Variants in FSTL5 observed in about 807,000 individuals in gnomAD.
FSTL5 encodes follistatin like 5.
Under a neutral mutation model 89.1 loss-of-function variants are expected in FSTL5, and 62 were observed. The ratio of observed to expected loss-of-function variants is 0.70; its 90% CI spans 0.57 to 0.86. The LOEUF (loss-of-function observed/expected upper bound fraction) is 0.86, where lower values mean the gene tolerates loss of function less well. Among genes scored for constraint, FSTL5 ranks in the 40% least tolerant of loss-of-function variants. FSTL5 has a pLI of 0.00. For missense variants in FSTL5, 1,057 were observed against 1,001.6 expected, an observed-to-expected ratio of 1.06 and a Z score of -0.75; for synonymous variants, 383 against 346.2, an observed-to-expected ratio of 1.11 and a Z score of -1.18.
At chr4:161,594,752 T>C (rs888492777) in intron 7 of FSTL5, among the ~76,000 whole-genome samples, 2 of 151,954 alleles carry the variant, frequency 1.3e-5, no homozygotes, top group Non-Finnish European at 2.9e-5. Flanking sequence ...TCTCATCAGT[T>C]TGAATAAAGC....
At chr4:161,646,510 T>A in intron 7 of FSTL5, among the ~76,000 whole-genome samples, 1 of 152,016 alleles carries the variant, frequency 6.6e-6, no homozygotes, top group East Asian at 1.9e-4. Context: ...AAGAATGTAA[T>A]GACATATAAA....
At chr4:161,934,396 G>C (rs905846421) in intron 3 of FSTL5, among the ~76,000 whole-genome samples, 1 of 152,012 alleles carries the variant, frequency 6.6e-6, no homozygotes, top group African/African-American at 2.4e-5. Context: ...AGAAAAGAAA[G>C]TATTTATAGA....
At chr4:161,792,222 G>A (rs773416292) in intron 4 of FSTL5, among the ~76,000 whole-genome samples, 2 of 152,146 alleles carry the variant, frequency 1.3e-5, no homozygotes, top group Non-Finnish European at 2.9e-5. Flanking sequence ...AGGCAGTGCT[G>A]ACACTTCAGC....
intron 6 of FSTL5, among the ~76,000 whole-genome samples, chr4:161,683,994 G>C (rs1406161514): frequency 1.3e-5 from 2 of 152,086 alleles, no homozygotes; most frequent in Non-Finnish European, 2.9e-5. Context: ...GAAAACATAC[G>C]ATGTTTGACT....
chr4:162,033,718 A>G (rs1181095223), intron 2 of FSTL5, 60 bp from the exon 3 acceptor site: 5 of 942,654 alleles, frequency 5.3e-6, no homozygotes, highest in Non-Finnish European at 8.1e-6. Flanking sequence ...CAACTGTTTC[A>G]TATAAAGTTT....
intron 4 of FSTL5, among the ~76,000 whole-genome samples, chr4:161,780,892 C>A (rs7666089): frequency 2.0e-5 from 3 of 151,938 alleles, no homozygotes; most frequent in Non-Finnish European, 4.4e-5. Context: ...TCCTTTCCTC[C>A]TATCCTCCAG....
At chr4:161,967,121 G>A (rs932148223) in intron 3 of FSTL5, among the ~76,000 whole-genome samples, 9 of 150,770 alleles carry the variant, frequency 6.0e-5, no homozygotes, top group Non-Finnish European at 1.0e-4. Flanking sequence ...ATTTTACAAC[G>A]TTACTCAGAT....
At chr4:161,947,553 T>A (rs1219461504) in intron 3 of FSTL5, among the ~76,000 whole-genome samples, 1 of 152,166 alleles carries the variant, frequency 6.6e-6, no homozygotes, top group African/African-American at 2.4e-5. Context: ...ATGTGTAGCT[T>A]TATTTTCAGA....
At chr4:161,884,788 A>T (rs1732746667) in intron 4 of FSTL5, among the ~76,000 whole-genome samples, 1 of 152,190 alleles carries the variant, frequency 6.6e-6, no homozygotes, top group Non-Finnish European at 1.5e-5. Context: ...GCTCAGTTAC[A>T]TGAATAGCAG....
intron 4 of FSTL5, among the ~76,000 whole-genome samples, chr4:161,904,781 G>T (rs193266275): frequency 2.2e-4 from 34 of 151,896 alleles, no homozygotes; most frequent in African/African-American, 7.0e-4. Context: ...TAAAATCATT[G>T]ATTCCTCAGC....
intron 3 of FSTL5, among the ~76,000 whole-genome samples, chr4:162,030,118 G>T (rs1399813661): frequency 6.6e-6 from 1 of 151,736 alleles, no homozygotes; most frequent in Non-Finnish European, 1.5e-5. Flanking sequence ...CACCATGTTG[G>T]CCAGGCTGGT....
chr4:161,908,158 G>A (rs1402508060), intron 4 of FSTL5, among the ~76,000 whole-genome samples: 1 of 151,796 alleles, frequency 6.6e-6, no homozygotes, highest in Admixed American at 6.6e-5. Flanking sequence ...TATATCATTG[G>A]CCATGAATTG....
At chr4:161,583,825 T>C (rs1733515981) in intron 8 of FSTL5, among the ~76,000 whole-genome samples, 1 of 152,150 alleles carries the variant, frequency 6.6e-6, no homozygotes, top group Non-Finnish European at 1.5e-5. Context: ...CATATCTTCC[T>C]CTCTAGTACC....
intron 10 of FSTL5, among the ~76,000 whole-genome samples, chr4:161,537,343 T>C (rs1417819573): frequency 6.6e-6 from 1 of 151,602 alleles, no homozygotes; most frequent in Non-Finnish European, 1.5e-5. Context: ...ACAAGGGGAG[T>C]AGTCATTTCA....
chr4:161,714,231 G>C (rs1738900216), intron 6 of FSTL5, among the ~76,000 whole-genome samples: 1 of 151,988 alleles, frequency 6.6e-6, no homozygotes, highest in Non-Finnish European at 1.5e-5. Flanking sequence ...AGAATGATCT[G>C]AGGTCACTTC....
At position 161,698,925 on chromosome 4, in the gene FSTL5, G is replaced by A. The variant is rs149515398; in HGVS notation, c.728-42431C>T. ...AGATCATGCCACTGCACTCCAGCCT[G>A]GGTGACAGAGTAAGAAAGACTCTGT... On this transcript the variant is annotated intron_variant, in intron 6 of 15. Transcript: ENST00000306100. 7.1e-3 allele frequency among the ~76,000 whole-genome samples: 1,077 copies of A among 152,150 alleles called. 8 individuals carry two copies. Among genetic ancestry groups the A allele is most frequent in the African/African-American group, 0.025 (1,021 of 41,496 alleles).
chr4:161,525,553 C>A (rs553546711), intron 10 of FSTL5, among the ~76,000 whole-genome samples: 20 of 152,102 alleles, frequency 1.3e-4, no homozygotes, highest in African/African-American at 4.8e-4. Context: ...CAGTTTGGTT[C>A]AATACAAATA....
At chr4:161,425,834 C>T (rs538737280) in intron 15 of FSTL5, among the ~76,000 whole-genome samples, 1 of 152,208 alleles carries the variant, frequency 6.6e-6, no homozygotes, top group Non-Finnish European at 1.5e-5. Context: ...TGGATTAGAT[C>T]CTATGTTCCC....
At chr4:161,916,172 G>A (rs1210444480) in intron 4 of FSTL5, among the ~76,000 whole-genome samples, 2 of 152,128 alleles carry the variant, frequency 1.3e-5, no homozygotes, top group Non-Finnish European at 2.9e-5. Flanking sequence ...AGTTGTTATT[G>A]CTTGTGATGC....
Sources: allele counts gnomAD v4.1 joint callset (sites outside exome capture counted in the v4.1 genomes callset), GRCh38; gene constraint gnomAD v4.1.1; transcripts MANE v1.5; gene names NCBI Gene and HGNC (gene_info 2026-07-23, HGNC 2026-07-21).